Variants in ESRRG observed in about 807,000 individuals in gnomAD.
The protein encoded by ESRRG is estrogen-related receptor gamma.
In ESRRG, 13 loss-of-function variants were observed where a neutral mutation model predicts 44.0. The ratio of observed to expected loss-of-function variants is 0.30; its 90% CI spans 0.19 to 0.47. The LOEUF is 0.47. Among genes scored for constraint, ESRRG ranks in the 20% least tolerant of loss-of-function variants. The probability of loss-of-function intolerance (pLI) is 1.00; values close to 1 mark genes in which losing one functional copy is unlikely to be tolerated. For missense variants in ESRRG, 395 were observed against 580.6 expected, an observed-to-expected ratio of 0.68 and a Z score of 3.29; for synonymous variants, 215 against 214.6, an observed-to-expected ratio of 1.00 and a Z score of -0.02.
intron 3 of ESRRG, among the ~76,000 whole-genome samples, chr1:216,588,129 C>G (rs574923450): frequency 6.6e-6 from 1 of 152,108 alleles, no homozygotes; most frequent in East Asian, 1.9e-4. Context: ...TTATGTGAAC[C>G]AATATCAATA....
chr1:216,837,653 A>G (rs2095588952), intron 2 of ESRRG, among the ~76,000 whole-genome samples: 1 of 152,144 alleles, frequency 6.6e-6, no homozygotes, highest in Admixed American at 6.5e-5. Flanking sequence ...GGAATTCCTC[A>G]TGAAAGGCAA....
At chr1:216,708,210 A>G (rs2082822673) in intron 1 of ESRRG, among the ~76,000 whole-genome samples, 1 of 151,984 alleles carries the variant, frequency 6.6e-6, no homozygotes, top group Non-Finnish European at 1.5e-5. Context: ...AAAAAAAGCC[A>G]TTTAAAAAAA....
At chr1:217,015,956 G>A (rs993020918) in intron 1 of ESRRG, among the ~76,000 whole-genome samples, 6 of 151,904 alleles carry the variant, frequency 3.9e-5, no homozygotes, top group African/African-American at 1.5e-4. Flanking sequence ...GCTTCGAACT[G>A]CTGACCTCAG....
At chr1:216,883,943 GT>G (rs2096484787) in intron 2 of ESRRG, among the ~76,000 whole-genome samples, 1 of 152,178 alleles carries the variant, frequency 6.6e-6, no homozygotes, top group African/African-American at 2.4e-5. Context: ...CTTAATTTAT[GT>G]AATTTAAAAA....
At chr1:217,069,036 A>G (rs1369122191) in intron 1 of ESRRG, among the ~76,000 whole-genome samples, 1 of 152,222 alleles carries the variant, frequency 6.6e-6, no homozygotes, top group Non-Finnish European at 1.5e-5. Flanking sequence ...GATGCAAAGT[A>G]TTTATCCTGG....
intron 1 of ESRRG, among the ~76,000 whole-genome samples, chr1:217,098,509 G>A (rs1490093001): frequency 2.0e-5 from 3 of 152,144 alleles, no homozygotes; most frequent in African/African-American, 7.2e-5. Context: ...CAGAATCGAT[G>A]CTCTTTTCCT....
chr1:217,071,897 G>A (rs1320542441), intron 1 of ESRRG, among the ~76,000 whole-genome samples: 1 of 152,262 alleles, frequency 6.6e-6, no homozygotes, highest in Admixed American at 6.5e-5. Context: ...AACCCCTGGG[G>A]TCTAGTTCTA....
At position 217,018,486 on chromosome 1, in the gene ESRRG, A is replaced by G. The variant is rs2079778487; in HGVS notation, c.-106+71021T>C. On this transcript the variant is annotated intron_variant, in intron 1 of 7. Coordinates refer to the ESRRG transcript ENST00000359162. ...AAGATCTAACTTTTTAATATCGTGC[A>G]CAAAGCCTTTTCTGAGCTGGTTCCT... Among the ~76,000 whole-genome samples the G allele has an allele frequency of 3.9e-5, 6 of 152,156 alleles. No homozygotes were observed. The South Asian group carries it at 1.2e-3, about 31-fold the overall frequency.
chr1:216,946,363 C>A (rs554067398), intron 1 of ESRRG, among the ~76,000 whole-genome samples: 1 of 152,178 alleles, frequency 6.6e-6, no homozygotes, highest in African/African-American at 2.4e-5. Context: ...ATCTTTAACA[C>A]TTCTGAAAAC....
chr1:216,667,860 C>A (rs549538522), intron 2 of ESRRG, among the ~76,000 whole-genome samples: 2 of 151,988 alleles, frequency 1.3e-5, no homozygotes, highest in African/African-American at 4.8e-5. Flanking sequence ...TTTTGTAAGG[C>A]CAAGGCAGGT....
intron 1 of ESRRG, among the ~76,000 whole-genome samples, chr1:217,025,010 C>A (rs1221686764): frequency 6.6e-6 from 1 of 152,144 alleles, no homozygotes; most frequent in African/African-American, 2.4e-5. Context: ...AGAAGCAGCA[C>A]CAGGACTGTG....
intron 2 of ESRRG, among the ~76,000 whole-genome samples, chr1:216,848,705 T>G (rs1050839944): frequency 1.3e-5 from 2 of 152,122 alleles, no homozygotes; most frequent in African/African-American, 4.8e-5. Flanking sequence ...AGCTCATATT[T>G]ACTATATTTA....
intron 2 of ESRRG, among the ~76,000 whole-genome samples, chr1:216,913,129 AAAAGG>A (rs2060686990): frequency 6.6e-6 from 1 of 151,436 alleles, no homozygotes; most frequent in Non-Finnish European, 1.5e-5. Context: ...AAAAAAAAAA[AAAAGG>A]AAAGAAAGAC....
chr1:216,645,177 T>C (rs2067269524), intron 3 of ESRRG, among the ~76,000 whole-genome samples: 1 of 152,182 alleles, frequency 6.6e-6, no homozygotes, highest in Non-Finnish European at 1.5e-5. Context: ...CTCACGTCTG[T>C]TAACTTTGAA....
chr1:217,010,802 T>C (rs2078459525), intron 1 of ESRRG, among the ~76,000 whole-genome samples: 1 of 152,148 alleles, frequency 6.6e-6, no homozygotes, highest in African/African-American at 2.4e-5. Context: ...TGGAAAATTA[T>C]GGGAAACATG....
In ESRRG at chr1:216,503,788, G is replaced by A. The variant is rs1158347168; in HGVS notation, c.*3151C>T. 1 of 152,480 alleles carries A rather than the reference G, an allele frequency of 6.6e-6. No homozygotes were observed. The highest frequency in any genetic ancestry group is 1.5e-5 in the Non-Finnish European group (1 of 67,974). 9.4% of individuals were successfully genotyped at this position (152,480 alleles called of 1,614,324 possible). On this transcript the variant is annotated 3_prime_UTR_variant, in exon 7 of 7. Transcript: ENST00000408911. ...ACAATCTGATCTGATTGAAACACAA[G>A]TGTAACTACAAGGAGTCACACAATC...
At position 216,949,973 on chromosome 1, in the gene ESRRG, C is replaced by T. The variant is rs544913064; in HGVS notation, c.-105-10300G>A. On this transcript the variant is annotated intron_variant, in intron 1 of 7. Coordinates refer to the ESRRG transcript ENST00000359162. ...GATTATAGGCACATGCCACCACACC[C>T]GGCTAATTTTTGTATTTTTAGTTGA... 9.2e-5 allele frequency among the ~76,000 whole-genome samples: 14 copies of T among 152,120 alleles called. No individual in the cohort carries two copies. In the East Asian group the frequency reaches 2.5e-3, roughly 27 times the overall value.
chr1:216,905,288 T>C (rs2059562836), intron 2 of ESRRG, among the ~76,000 whole-genome samples: 1 of 150,728 alleles, frequency 6.6e-6, no homozygotes, highest in Non-Finnish European at 1.5e-5. Context: ...TTCACTAGGC[T>C]CCAGTCATGT....
rs1010075509 is a variant in ESRRG, at chr1:216,998,844, A to G, written c.-105-59171T>C. On this transcript the variant is annotated intron_variant, in intron 1 of 7. Transcript: ENST00000359162. ...TATAAAATCTTATGACAAAATTATA[A>G]ATGGCCATTGAGAGCACCTAGGTGA... Among the ~76,000 whole-genome samples, 7 of 152,354 alleles carry G rather than the reference A, an allele frequency of 4.6e-5. No homozygotes were observed. In the East Asian group the frequency reaches 7.7e-4, roughly 17 times the overall value.
Sources: gnomAD v4.1 joint callset for allele counts (sites outside exome capture counted in the v4.1 genomes callset) on GRCh38, gnomAD v4.1.1 for gene constraint, MANE v1.5 for transcripts, NCBI Gene and HGNC (gene_info 2026-07-23, HGNC 2026-07-21) for gene names.